RFC5: variants seen among roughly 807,000 people sequenced by gnomAD.
The protein encoded by RFC5 is replication factor C subunit 5.
RFC5 carries 26 observed loss-of-function variants against 44.3 expected under a neutral mutation model. The ratio of observed to expected loss-of-function variants is 0.59; its 90% CI spans 0.43 to 0.81. RFC5 has a LOEUF of 0.81. RFC5 is among the 40% of genes least tolerant of loss of function. RFC5 has a pLI of 0.00. For missense variants in RFC5, 328 were observed against 418.6 expected (o/e 0.78, Z 1.89); for synonymous variants, 155 against 155.2 (o/e 1.00, Z 0.01).
downstream of RFC5, among the ~76,000 whole-genome samples, chr12:118,037,583 G>C (rs975813370): frequency 2.6e-5 from 4 of 151,122 alleles, no homozygotes; most frequent in African/African-American, 9.7e-5. Context: ...CAGGAGAATC[G>C]CTTGAACCCG....
rs5745873 is a variant in RFC5, at chr12:118,028,015, T to C, written c.856T>C (p.Leu286=). The C allele has an allele frequency of 0.083, 132,582 of 1,602,010 alleles. 6,917 individuals are homozygous for C. Among genetic ancestry groups the C allele is most frequent in the African/African-American group, 0.22 (16,663 of 74,626 alleles). ...GCATGATATCCTGACAGAGATACAC[T>C]TGTTTGTGCATAGAGGTAACTTACA... ...ALHDILTEIH[L]FVHRVDFPSS... is the part of the protein sequence containing the mutation. Residue 286 remains leucine (L), a synonymous_variant, in exon 9 of 11, where the codon TTG becomes CTG. Coordinates refer to ENST00000454402, the MANE Select transcript of RFC5 (RefSeq NM_007370.7).
chr12:118,027,048 G>A (rs770152203), intron 8 of RFC5, 30 bp downstream of exon 8: 14 of 1,600,454 alleles, frequency 8.7e-6, no homozygotes, highest in Non-Finnish European at 1.2e-5. Flanking sequence ...CCTGGCCACC[G>A]AGACCTGAAG....
intron 6 of RFC5, chr12:118,025,336 T>G: frequency 3.1e-6 from 1 of 326,648 alleles, no homozygotes; most frequent in Non-Finnish European, 5.6e-6. Flanking sequence ...CTTTTTAGAC[T>G]AGAAGGGAAG....
At chr12:118,034,496 G>A, downstream of RFC5, 2 of 1,066,424 alleles carry the variant, frequency 1.9e-6, no homozygotes, top group South Asian at 1.7e-5. Context: ...CTGTGGAAAT[G>A]GATGTAAAAT....
downstream of RFC5, among the ~76,000 whole-genome samples, chr12:118,037,667 T>TAAAAAAAAAA (rs752087366): frequency 2.4e-5 from 3 of 123,566 alleles, no homozygotes; most frequent in Non-Finnish European, 1.7e-5. Context: ...AAACTCTGTC[T>TAAAAAAAAAA]AAAAAAAAAA....
downstream of RFC5, chr12:118,034,171 A>G (rs2031445028): frequency 6.2e-7 from 1 of 1,613,758 alleles, no homozygotes; most frequent in Admixed American, 1.7e-5. Context: ...ACCCTGCTAC[A>G]AAGAAGCACA....
chr12:118,027,477 G>C (rs1002355298), intron 8 of RFC5: 1 of 159,438 alleles, frequency 6.3e-6, no homozygotes, highest in African/African-American at 2.4e-5. Context: ...TTCAAGACCA[G>C]CCTGGCCAAC....
chr12:118,024,838 T>A lies in RFC5; in HGVS notation c.422-13T>A. ...GGACTTTGACATGAGGTGGTTTTAT[T>A]TTCTCTTACTAGTAATTGAGAAATT... On this transcript the variant is annotated splice_polypyrimidine_tract_variant and intron_variant, in intron 5 of 10. Transcript: ENST00000454402. 6.3e-7 allele frequency: 1 copy of A among 1,594,156 alleles called. No individual in the cohort carries two copies. The highest frequency in any genetic ancestry group is 1.1e-5 in the South Asian group (1 of 87,720).
downstream of RFC5, chr12:118,036,287 TTCC>T (rs1267395888): frequency 6.3e-7 from 1 of 1,579,806 alleles, no homozygotes; most frequent in East Asian, 2.3e-5. Flanking sequence ...CCCAGGCAGG[TTCC>T]TCATCAGTCC....
chr12:118,036,622 TTCTC>T (rs2031517651), downstream of RFC5: 3 of 1,137,418 alleles, frequency 2.6e-6, no homozygotes, highest in South Asian at 3.1e-5. Flanking sequence ...CCAGGGCTGA[TTCTC>T]TATCCCTTTT....
rs1381227832 is a variant in RFC5 at position 118,020,925 on chromosome 12, G to A, written c.287G>A (p.Arg96Gln). The change falls in exon 4 of 11, where the codon CGA becomes CAA. Residue 96 changes from arginine (R) to glutamine (Q), a missense_variant. Arg to Gln is a conservative substitution (Grantham distance 43, BLOSUM62 1). Coordinates refer to ENST00000454402, the MANE Select transcript of RFC5 (RefSeq NM_007370.7). ...ATTTAGCTGAATGCTTCAGATGACC[G>A]AGGAATAGACATCATTCGAGGACCG... Reference protein sequence around the residue: ...MVLELNASDDRGIDIIRGPIL... With the variant: ...MVLELNASDDQGIDIIRGPIL... The A allele has an allele frequency of 1.1e-5, 18 of 1,611,070 alleles. No homozygotes were observed. The highest frequency in any genetic ancestry group is 1.4e-5 in the Non-Finnish European group (17 of 1,177,694).
chr12:118,035,376 C>T (rs2031487774), downstream of RFC5: 1 of 1,519,758 alleles, frequency 6.6e-7, no homozygotes, highest in Non-Finnish European at 9.1e-7. Context: ...CTGCTCTCCA[C>T]CCTCCATCAT....
intron 9 of RFC5, 30 bp downstream of exon 9, chr12:118,028,060 C>G (rs2031072226): frequency 7.0e-7 from 1 of 1,433,552 alleles, no homozygotes; most frequent in Non-Finnish European, 9.8e-7. Context: ...AGCTGAGAAG[C>G]TGTGGAGAAG....
chr12:118,026,481 C>A (rs2030950103), intron 7 of RFC5, among the ~76,000 whole-genome samples: 1 of 152,098 alleles, frequency 6.6e-6, no homozygotes, highest in Non-Finnish European at 1.5e-5. Context: ...CACCTGTAGT[C>A]CCATCTACTC....
intron 5 of RFC5, among the ~76,000 whole-genome samples, chr12:118,024,084 C>T (rs373406696): frequency 3.9e-5 from 6 of 152,142 alleles, no homozygotes; most frequent in East Asian, 1.9e-4. Context: ...GGCACAGTGG[C>T]TCATGCCTGT....
At chr12:118,025,939 C>T in intron 7 of RFC5, 111 bp downstream of exon 7, 1 of 673,526 alleles carries the variant, frequency 1.5e-6, no homozygotes, top group South Asian at 1.7e-5. Flanking sequence ...ACCTCCGCCT[C>T]CTGGGTTCAA....
the RFC5 span, chr12:118,038,190 T>G: frequency 8.6e-7 from 1 of 1,162,842 alleles, no homozygotes; most frequent in Non-Finnish European, 1.2e-6. Context: ...TCTATTGGGG[T>G]GGATTTGCGG....
intron 7 of RFC5, 111 bp from the exon 8 acceptor site, chr12:118,026,778 C>A: frequency 8.3e-7 from 1 of 1,209,604 alleles, no homozygotes; most frequent in Non-Finnish European, 1.2e-6. Flanking sequence ...GCCCATAGAA[C>A]TTTGCTGCTC....
downstream of RFC5, among the ~76,000 whole-genome samples, chr12:118,036,735 T>C (rs887822842): frequency 1.3e-5 from 2 of 152,164 alleles, no homozygotes; most frequent in Non-Finnish European, 1.5e-5. Context: ...GAGCTCACTA[T>C]AAGAGAGAAT....
Sources: gnomAD v4.1 joint callset for allele counts (sites outside exome capture counted in the v4.1 genomes callset) on GRCh38, gnomAD v4.1.1 for gene constraint, MANE v1.5 for transcripts, NCBI Gene and HGNC (gene_info 2026-07-23, HGNC 2026-07-21) for gene names.